Variants in SNRNP200 observed in about 807,000 individuals in gnomAD.
The protein encoded by SNRNP200 is small nuclear ribonucleoprotein U5 subunit 200, also known as U5 small nuclear ribonucleoprotein 200 kDa helicase.
Under a neutral mutation model 255.2 loss-of-function variants are expected in SNRNP200, and 66 were observed. The ratio of observed to expected loss-of-function variants is 0.26; its 90% confidence interval spans 0.21 to 0.32. The LOEUF (loss-of-function observed/expected upper bound fraction) is 0.32. Among genes scored for constraint, SNRNP200 ranks in the 10% least tolerant of loss-of-function variants. The probability of loss-of-function intolerance (pLI) is 1.00; values close to 1 mark genes in which losing one functional copy is unlikely to be tolerated. For synonymous variants in SNRNP200, 939 were observed against 1,027.8 expected (o/e 0.91, Z 1.65); for missense variants, 1,585 against 2,749.8 (o/e 0.58, Z 9.47).
chr2:96,278,155 G>A lies in SNRNP200; in HGVS notation c.5610+82C>T, dbSNP rs568524984. 311 of 1,604,546 alleles carry A rather than the reference G, an allele frequency of 1.9e-4. No individual in the cohort carries two copies. The highest frequency in any genetic ancestry group is 2.6e-4 in the Non-Finnish European group (299 of 1,172,486). On this transcript the variant is annotated intron_variant, in intron 39 of 44. Transcript: ENST00000323853. This position sits in a 1 kb window ranked among gnomAD's most constrained non-coding sequence, Gnocchi z 6.9. ...TCGGGGGATGCGTATGGGCGTGTTGGTGGCAGGGATGCCATGTGCTCTGGG... is the reference window on the plus strand; with the variant it reads ...TCGGGGGATGCGTATGGGCGTGTTGATGGCAGGGATGCCATGTGCTCTGGG...
At position 96,286,578 on chromosome 2, in the gene SNRNP200, A is replaced by AT; in HGVS notation, c.3830-95dup. The AT allele has an allele frequency of 6.3e-7, 1 of 1,588,472 alleles. No individual in the cohort carries two copies. The highest frequency in any genetic ancestry group is 1.7e-5 in the Admixed American group (1 of 58,806). ...CATGAACACTGGAAACCTAGGCAGC[A>AT]TATGTATCACTCTGTCCCCAGCAAG... On this transcript the variant is annotated intron_variant, in intron 28 of 44. Transcript: ENST00000323853. The surrounding 1 kb of genome is among the most constrained non-coding windows in gnomAD (Gnocchi z 4.8).
intron 16 of SNRNP200, 129 bp from the exon 17 acceptor site, chr2:96,292,029 T>C: frequency 5.0e-6 from 5 of 1,009,046 alleles, no homozygotes; most frequent in Non-Finnish European, 7.6e-6. Flanking sequence ...GGCAGGAATG[T>C]GTGCAGGCTC....
intron 23 of SNRNP200, 21 bp downstream of exon 23, chr2:96,289,011 TCAAAG>T: frequency 6.3e-7 from 1 of 1,583,168 alleles, no homozygotes; most frequent in Non-Finnish European, 8.6e-7. Context: ...CTCATCCTTA[TCAAAG>T]CAAAGAGGAG....
In SNRNP200 at chr2:96,284,284, C is replaced by T. The variant is rs552564577; in HGVS notation, c.4392+74G>A. On this transcript the variant is annotated intron_variant, in intron 31 of 44. Coordinates refer to ENST00000323853, the MANE Select transcript of SNRNP200 (RefSeq NM_014014.5). ...AGCCCCGAGCCTCCGTCCTCAGACC[C>T]AAACATTAGGTCCAATGCCAAGGCC... The T allele has an allele frequency of 4.3e-5, 58 of 1,350,482 alleles. No homozygotes were observed. The South Asian group carries it at 6.5e-4, about 15-fold the overall frequency. 83.7% of individuals were successfully genotyped at this position (1,350,482 alleles called of 1,614,324 possible).
chr2:96,301,110 C>T, intron 4 of SNRNP200, 57 bp from the exon 5 acceptor site: 1 of 1,457,508 alleles, frequency 6.9e-7, no homozygotes, highest in Non-Finnish European at 9.6e-7. Context: ...AAACAAGGCA[C>T]TCTGGAGCCA....
chr2:96,284,025 AGGGT>A, intron 31 of SNRNP200, 21 bp from the exon 32 acceptor site: 31 of 605,210 alleles, frequency 5.1e-5, no homozygotes, highest in Non-Finnish European at 7.9e-5. Context: ...GGAGGGAGGG[AGGGT>A]CACTGCAGGC....
In SNRNP200 at chr2:96,291,588, C is replaced by T. The variant is rs537256458; in HGVS notation, c.2311-86G>A. The T allele has an allele frequency of 8.9e-6, 11 of 1,234,262 alleles. No individual in the cohort carries two copies. The highest frequency in any genetic ancestry group is 7.4e-5 in the African/African-American group (5 of 67,584). 76.5% of individuals were successfully genotyped at this position (1,234,262 alleles called of 1,614,324 possible). ...GGAAATCTCCTCCCATGAGACCCTG[C>T]CCCTTAACTATTATGTGGAATAGTA... On this transcript the variant is annotated intron_variant, in intron 17 of 44. Coordinates refer to ENST00000323853, the MANE Select transcript of SNRNP200 (RefSeq NM_014014.5). This position sits in a 1 kb window ranked among gnomAD's most constrained non-coding sequence, Gnocchi z 4.2.
chr2:96,295,187 G>T (rs775500868), intron 14 of SNRNP200, among the ~76,000 whole-genome samples: 2 of 152,174 alleles, frequency 1.3e-5, no homozygotes, highest in African/African-American at 4.8e-5. Flanking sequence ...CAGCCTGGGC[G>T]ACAGAGCTAG....
rs1343010758 is a variant in SNRNP200 at position 96,274,849 on chromosome 2, AGT to A, written c.*161_*162del. 1.3e-6 allele frequency: 1 copy of A among 764,096 alleles called. No homozygotes were observed. Among genetic ancestry groups the A allele is most frequent in the Non-Finnish European group, 2.3e-6 (1 of 433,280 alleles). The allele number at this position is 764,096 out of a possible 1,614,324, so 47.3% of individuals were successfully genotyped here. ...TGACACCTGCTGTCACTGGATCCAG[AGT>A]GAGCAAGGGAAAGGAAGTGGAGGTA... is the stretch of plus-strand genomic sequence containing the variant. On this transcript the variant is annotated 3_prime_UTR_variant, in exon 45 of 45. Transcript: ENST00000323853.
rs886056467 is a variant in SNRNP200, at chr2:96,299,431, T to C, written c.631-4A>G. On this transcript the variant is annotated splice_region_variant and splice_polypyrimidine_tract_variant and intron_variant, in intron 5 of 44. Transcript: ENST00000323853. ...CGTATACGTCTTCATCACCTTCCTG[T>C]GGAAATGACCCCAACTCAACCATGA... 1 of 1,611,490 alleles carries C rather than the reference T, an allele frequency of 6.2e-7. No homozygotes were observed. Among genetic ancestry groups the C allele is most frequent in the African/African-American group, 1.3e-5 (1 of 74,828 alleles).
chr2:96,283,536 T>A lies in SNRNP200; in HGVS notation c.4762A>T (p.Arg1588Trp). ...TTCAADIQRQRFLHCTEKDLI... is the reference protein window; with the variant it reads ...TTCAADIQRQWFLHCTEKDLI... ...CCCCAGACGCCAGGCCCCACCTACC[T>A]CTGCCGTTGGATGTCTGCTGCACAG... is the stretch of plus-strand genomic sequence containing the variant. The change falls in exon 33 of 45, where the codon AGG becomes TGG. Residue 1588 changes from arginine to tryptophan, a missense_variant and splice_region_variant. By Grantham distance (101) the Arg-to-Trp change is moderately radical (BLOSUM62 -3). Coordinates refer to ENST00000323853, the MANE Select transcript of SNRNP200 (RefSeq NM_014014.5). The surrounding 1 kb of genome is among the most constrained non-coding windows in gnomAD (Gnocchi z 4.7). 6.2e-7 allele frequency: 1 copy of A among 1,614,028 alleles called. No individual in the cohort carries two copies.
rs748629701 is a variant in SNRNP200, at chr2:96,275,163, G to C, written c.6268-8C>G. The C allele has an allele frequency of 1.2e-6, 2 of 1,614,236 alleles. No individual in the cohort carries two copies. The highest frequency in any genetic ancestry group is 4.5e-5 in the East Asian group (2 of 44,888). ...CACAAAGTCCAACTTCACCTAGAAA[G>C]AGCAGGCAGAAATCAAGATGAGCAT... On this transcript the variant is annotated splice_polypyrimidine_tract_variant and splice_region_variant and intron_variant, in intron 44 of 44. Transcript: ENST00000323853.
chr2:96,284,749 C>CTT (rs71791481), intron 30 of SNRNP200, 164 bp from the exon 31 acceptor site: 9,596 of 541,926 alleles, frequency 0.018, 5 homozygotes, highest in South Asian at 0.051. Context: ...GCAGCTTTTT[C>CTT]TTTTTTTTTT....
At chr2:96,296,059 G>T (rs2063915027) in intron 13 of SNRNP200, among the ~76,000 whole-genome samples, 1 of 152,118 alleles carries the variant, frequency 6.6e-6, no homozygotes, top group South Asian at 2.1e-4. Context: ...CTTGAACCTG[G>T]GAAGTTAAGG....
At chr2:96,288,980 G>A in intron 23 of SNRNP200, 57 bp downstream of exon 23, 2 of 1,481,508 alleles carry the variant, frequency 1.3e-6, no homozygotes, top group Non-Finnish European at 1.9e-6. Flanking sequence ...TCTTTTAGAA[G>A]ATTATGAAAA....
In SNRNP200 at chr2:96,291,980, C is replaced by T. The variant is rs2063886731; in HGVS notation, c.2161-80G>A. The T allele has an allele frequency of 2.0e-6, 3 of 1,504,422 alleles. No individual in the cohort carries two copies. Among genetic ancestry groups the T allele is most frequent in the African/African-American group, 1.4e-5 (1 of 72,982 alleles). The allele number at this position is 1,504,422 out of a possible 1,614,324, so 93.2% of individuals were successfully genotyped here. A position where few individuals can be genotyped will look rare whatever the true frequency, so the allele number is the denominator to read the frequency against. ...CCTGCAGCAGGAAGCAGAAGTTGCA[C>T]CATCACCACCAGAAGCCAAGGTCCT... On this transcript the variant is annotated intron_variant, in intron 16 of 44. Transcript: ENST00000323853. This position sits in a 1 kb window ranked among gnomAD's most constrained non-coding sequence, Gnocchi z 4.2.
intron 35 of SNRNP200, 184 bp downstream of exon 35, chr2:96,281,630 A>G (rs948301626): frequency 1.6e-6 from 1 of 622,008 alleles, no homozygotes; most frequent in African/African-American, 1.8e-5. Context: ...CACAATGACT[A>G]AAAAGCAAAT....
Position 96,305,343 on chromosome 2 carries a change from C to G in SNRNP200, c.45+50G>C. 9 of 1,611,072 alleles carry G rather than the reference C, an allele frequency of 5.6e-6. 1 individual carries two copies. The Middle Eastern group carries it at 1.3e-3, about 236-fold the overall frequency. ...TGAAACTCCCTTTTTCAGCCTCCCC[C>G]TCCCCATTGGACTCCTGAGCCTGGA... On this transcript the variant is annotated intron_variant, in intron 1 of 44. Coordinates refer to ENST00000323853, the MANE Select transcript of SNRNP200 (RefSeq NM_014014.5).
At position 96,305,490 on chromosome 2, in the gene SNRNP200, C is replaced by T. The variant is rs921170930; in HGVS notation, c.-53G>A. On this transcript the variant is annotated 5_prime_UTR_variant, in exon 1 of 45. Coordinates refer to ENST00000323853, the MANE Select transcript of SNRNP200 (RefSeq NM_014014.5). ...CACCACGCCTCCCTACCGCAAGCTG[C>T]AAACGGCCGCAGATCTCTGCTCCCG... 29 of 1,610,490 alleles carry T rather than the reference C, an allele frequency of 1.8e-5. No homozygotes were observed. The highest frequency in any genetic ancestry group is 2.4e-5 in the Non-Finnish European group (28 of 1,178,292).
Sources: allele counts gnomAD v4.1 joint callset (sites outside exome capture counted in the v4.1 genomes callset), GRCh38; gene constraint gnomAD v4.1.1; non-coding constraint Gnocchi (gnomAD v3.1); transcripts MANE v1.5; gene names NCBI Gene and HGNC (gene_info 2026-07-23, HGNC 2026-07-21).